Variants in MCM2 observed in about 807,000 individuals in gnomAD.
MCM2 encodes minichromosome maintenance complex component 2.
A neutral mutation model predicts 86.4 loss-of-function variants in MCM2; 49 were observed. The ratio of observed to expected loss-of-function variants is 0.57; its 90% CI spans 0.45 to 0.72. MCM2 has a LOEUF of 0.72. MCM2 is among the 30% of genes least tolerant of loss of function. The probability of loss-of-function intolerance (pLI) is 0.00; values close to 1 mark genes in which losing one functional copy is unlikely to be tolerated. For missense variants in MCM2, 1,038 were observed against 1,259.9 expected, an observed-to-expected ratio of 0.82 and a Z score of 2.67; for synonymous variants, 475 against 484.6, an observed-to-expected ratio of 0.98 and a Z score of 0.26.
rs760620923 is a variant in MCM2 at position 127,621,219 on chromosome 3, G to A, written c.2595G>A (p.Leu865=). 6.2e-7 allele frequency: 1 copy of A among 1,614,104 alleles called. No individual in the cohort carries two copies. The highest frequency in any genetic ancestry group is 1.1e-5 in the South Asian group (1 of 91,066). Residue 865 remains leucine (L), a synonymous_variant, in exon 15 of 16, where the codon TTG becomes TTA. Coordinates refer to ENST00000265056, the MANE Select transcript of MCM2 (RefSeq NM_004526.4). ...QDTIEVPEKD[L]VDKARQINIH... is the part of the protein sequence containing the mutation. Reference sequence around the variant, plus strand: ...CTATTGAGGTCCCTGAGAAGGACTTGGTGGATAAGGTATGGGCCCGGAAGG... The same window carrying A: ...CTATTGAGGTCCCTGAGAAGGACTTAGTGGATAAGGTATGGGCCCGGAAGG...
chr3:127,617,209 TG>T lies in MCM2; in HGVS notation c.1774-67del. The T allele has an allele frequency of 6.2e-7, 1 of 1,607,122 alleles. No homozygotes were observed. Among genetic ancestry groups the T allele is most frequent in the Non-Finnish European group, 8.5e-7 (1 of 1,175,052 alleles). On this transcript the variant is annotated intron_variant, in intron 10 of 15. Transcript: ENST00000265056. The surrounding 1 kb of genome is among the most constrained non-coding windows in gnomAD (Gnocchi z 4.1). ...CGGGAATGGTGTTAATGGGGTCCAT[TG>T]GGACCTCATCGGAGACTTAGTAGTA...
At position 127,599,352 on chromosome 3, in the gene MCM2, C is replaced by G. The variant is rs771192544; in HGVS notation, c.41C>G (p.Pro14Arg). The G allele has an allele frequency of 6.8e-6, 11 of 1,614,048 alleles. No homozygotes were observed. Among genetic ancestry groups the G allele is most frequent in the Non-Finnish European group, 8.5e-6 (10 of 1,180,032 alleles). ...SSESFTMASS[P>R]AQRRRGNDPL... The stretch of plus-strand genomic sequence containing the variant: ...GAATCCTTCACCATGGCATCCAGCC[C>G]GGCCCAGCGTCGGCGAGGCAATGAT... Residue 14 changes from proline (P) to arginine (R), a missense_variant, in exon 2 of 16, where the codon CCG (proline) becomes CGG (arginine). Coordinates refer to ENST00000265056, the MANE Select transcript of MCM2 (RefSeq NM_004526.4).
At chr3:127,598,777 A>C (rs1576409494) in intron 1 of MCM2, 2 of 468,134 alleles carry the variant, frequency 4.3e-6, no homozygotes, top group Non-Finnish European at 7.5e-6. Flanking sequence ...CCCCCATTTC[A>C]CTACACTCCT....
rs1338473292 is a variant in MCM2 at position 127,606,143 on chromosome 3, C to G, written c.699C>G (p.Asn233Lys). The change falls in exon 5 of 16, where the codon AAC becomes AAG. Residue 233 changes from asparagine to lysine, a missense_variant. Around this residue, in one of 4 missense-constraint regions of MCM2, gnomAD observed 399 missense variants for 507.2 expected, o/e 0.79. Transcript: ENST00000265056. The surrounding 1 kb of genome is among the most constrained non-coding windows in gnomAD (Gnocchi z 4.2). ...AGAACCGTGAGAGCCTGGTGGTGAACTATGAGGACTTGGCAGCCAGGGAGC... is the reference window on the plus strand; with the variant it reads ...AGAACCGTGAGAGCCTGGTGGTGAAGTATGAGGACTTGGCAGCCAGGGAGC... ...CKENRESLVV[N>K]YEDLAAREHV... is the part of the protein sequence containing the mutation. 9.3e-6 allele frequency: 15 copies of G among 1,614,180 alleles called. No homozygotes were observed. The highest frequency in any genetic ancestry group is 1.3e-5 in the Non-Finnish European group (15 of 1,180,026).
At position 127,617,698 on chromosome 3, in the gene MCM2, A is replaced by T. The variant is rs1170768800; in HGVS notation, c.1901-271A>T. ...GATGGAGTTGGCTGTTGGTCTCAGC[A>T]GCGAATGCGTAAAAGAACCCAGGCT... On this transcript the variant is annotated intron_variant, in intron 11 of 15. Coordinates refer to ENST00000265056, the MANE Select transcript of MCM2 (RefSeq NM_004526.4). This position sits in a 1 kb window ranked among gnomAD's most constrained non-coding sequence, Gnocchi z 4.1. The T allele has an allele frequency of 3.4e-6, 2 of 588,480 alleles. No homozygotes were observed. Among genetic ancestry groups the T allele is most frequent in the South Asian group, 4.1e-5 (2 of 49,078 alleles). The allele number at this position is 588,480 out of a possible 1,614,324, so 36.5% of individuals were successfully genotyped here.
chr3:127,617,892 C>A lies in MCM2; in HGVS notation c.1901-77C>A. On this transcript the variant is annotated intron_variant, in intron 11 of 15. Transcript: ENST00000265056. The surrounding 1 kb of genome is among the most constrained non-coding windows in gnomAD (Gnocchi z 4.1). ...TTCCACTGCCCTCATCCCCTTCTGC[C>A]ATCAGAGCAGCCTGGGGTCCCTGAG... is the stretch of plus-strand genomic sequence containing the variant. 1 of 1,094,224 alleles carries A rather than the reference C, an allele frequency of 9.1e-7. No individual in the cohort carries two copies. The highest frequency in any genetic ancestry group is 1.4e-6 in the Non-Finnish European group (1 of 732,216). 67.8% of individuals were successfully genotyped at this position (1,094,224 alleles called of 1,614,324 possible).
chr3:127,603,548 C>T (rs767094036), intron 2 of MCM2, among the ~76,000 whole-genome samples: 1 of 152,162 alleles, frequency 6.6e-6, no homozygotes, highest in African/African-American at 2.4e-5. Flanking sequence ...TGCAGTGGCA[C>T]GAACGTGGCT....
At chr3:127,619,341 G>C in intron 13 of MCM2, 63 bp downstream of exon 13, 1 of 1,565,062 alleles carries the variant, frequency 6.4e-7, no homozygotes, top group African/African-American at 1.4e-5. Flanking sequence ...TGAGCCTTCT[G>C]ACCAATGCAG....
intron 2 of MCM2, among the ~76,000 whole-genome samples, chr3:127,600,395 G>T (rs1010313591): frequency 6.6e-6 from 1 of 152,242 alleles, no homozygotes; most frequent in Non-Finnish European, 1.5e-5. Context: ...TTCCAGCTGC[G>T]ATCTGGTAGA....
chr3:127,611,140 C>T (rs528175659), intron 8 of MCM2, among the ~76,000 whole-genome samples: 2 of 152,240 alleles, frequency 1.3e-5, no homozygotes, highest in African/African-American at 2.4e-5. Flanking sequence ...CTTCTACCCT[C>T]ACCACCTGCA....
chr3:127,606,652 G>A lies in MCM2; in HGVS notation c.936G>A (p.Val312=). ...AGCTGATCCGCACCAGTGGGGTGGT[G>A]ACCAGCTGCACTGGCGTCCTGCCCC... is the stretch of plus-strand genomic sequence containing the variant. ...LNQLIRTSGV[V]TSCTGVLPQL... is the part of the protein sequence containing the mutation. Residue 312 remains valine, a synonymous_variant, in exon 6 of 16, where the codon GTG becomes GTA. Coordinates refer to ENST00000265056, the MANE Select transcript of MCM2 (RefSeq NM_004526.4). The surrounding 1 kb of genome is among the most constrained non-coding windows in gnomAD (Gnocchi z 4.2). 2 of 1,614,166 alleles carry A rather than the reference G, an allele frequency of 1.2e-6. No homozygotes were observed. The highest frequency in any genetic ancestry group is 1.7e-6 in the Non-Finnish European group (2 of 1,180,040).
intron 8 of MCM2, among the ~76,000 whole-genome samples, chr3:127,613,069 T>C (rs1345660709): frequency 5.3e-5 from 8 of 152,282 alleles, no homozygotes; most frequent in Middle Eastern, 3.4e-3. Context: ...CAGCAGGCAG[T>C]GTAGGCATTC....
chr3:127,618,180 G>A lies in MCM2; in HGVS notation c.2013+99G>A, dbSNP rs1364044003. On this transcript the variant is annotated intron_variant, in intron 12 of 15. Coordinates refer to ENST00000265056, the MANE Select transcript of MCM2 (RefSeq NM_004526.4). The surrounding 1 kb of genome is among the most constrained non-coding windows in gnomAD (Gnocchi z 4.0). ...GTGCCCAACACAGGGGACAGGTGCT[G>A]CAGGGGCCATAGGCTGTTTTCTAGT... 7 of 902,118 alleles carry A rather than the reference G, an allele frequency of 7.8e-6. No individual in the cohort carries two copies. Among genetic ancestry groups the A allele is most frequent in the Admixed American group, 2.0e-5 (1 of 50,380 alleles). 55.9% of individuals were successfully genotyped at this position (902,118 alleles called of 1,614,324 possible).
At position 127,617,264 on chromosome 3, in the gene MCM2, A is replaced by G. The variant is rs1192920672; in HGVS notation, c.1774-15A>G. 6.2e-7 allele frequency: 1 copy of G among 1,614,036 alleles called. No individual in the cohort carries two copies. Among genetic ancestry groups the G allele is most frequent in the East Asian group, 2.2e-5 (1 of 44,872 alleles). ...GCGTGAACCATGCTAAGGGTGGGCC[A>G]TTTTAATCTTGCAGATGAATGACCA... On this transcript the variant is annotated splice_polypyrimidine_tract_variant and intron_variant, in intron 10 of 15. Coordinates refer to ENST00000265056, the MANE Select transcript of MCM2 (RefSeq NM_004526.4). This position sits in a 1 kb window ranked among gnomAD's most constrained non-coding sequence, Gnocchi z 4.1.
In MCM2 at chr3:127,617,995, TTC is replaced by T; in HGVS notation, c.1931_1932del (p.Ser644Ter). The T allele has an allele frequency of 6.2e-7, 1 of 1,614,046 alleles. No individual in the cohort carries two copies. Among genetic ancestry groups the T allele is most frequent in the East Asian group, 2.2e-5 (1 of 44,864 alleles). On this transcript the variant is annotated frameshift_variant, in exon 12 of 16. Transcript: ENST00000265056. LOFTEE classifies it high-confidence loss of function. This position sits in a 1 kb window ranked among gnomAD's most constrained non-coding sequence, Gnocchi z 4.1. The part of the protein sequence containing the change: ...IGGRYDPSLT[F>X]SENVDLTEPI... ...AGGGCGCTACGACCCCTCGCTGACTTTCTCTGAGAACGTGGACCTCACAGAGC... is the reference window on the plus strand; with the variant it reads ...AGGGCGCTACGACCCCTCGCTGACTTTCTGAGAACGTGGACCTCACAGAGC...
chr3:127,609,492 A>C (rs1170885949), intron 8 of MCM2, among the ~76,000 whole-genome samples: 3 of 151,458 alleles, frequency 2.0e-5, no homozygotes, highest in African/African-American at 7.3e-5. Flanking sequence ...TTTTTTTGTG[A>C]TGGAGATGGG....
chr3:127,614,773 A>G (rs2074421489), intron 8 of MCM2, among the ~76,000 whole-genome samples: 1 of 152,190 alleles, frequency 6.6e-6, no homozygotes, highest in Non-Finnish European at 1.5e-5. Flanking sequence ...CATCCCTACA[A>G]TGCTCAAGTG....
Position 127,608,484 on chromosome 3 carries a change from C to T in MCM2, c.1204C>T (p.Leu402=). 6.2e-7 allele frequency: 1 copy of T among 1,614,204 alleles called. No individual in the cohort carries two copies. Among genetic ancestry groups the T allele is most frequent in the South Asian group, 1.1e-5 (1 of 91,080 alleles). ...RSKDAILLAD[L]VDSCKPGDEI... is the part of the protein sequence containing the mutation. The stretch of plus-strand genomic sequence containing the variant: ...CAAGGACGCCATTCTCCTCGCAGAT[C>T]TGGTGGACAGCTGCAAGCCAGGAGA... Residue 402 remains leucine, a synonymous_variant, in exon 7 of 16, where the codon CTG becomes TTG. Transcript: ENST00000265056.
chr3:127,604,710 A>G lies in MCM2; in HGVS notation c.339A>G (p.Ala113=). ...EELTASQREA[A]ERAMRQRDRE... is the part of the protein sequence containing the mutation. ...TGACGGCCAGTCAGAGGGAGGCAGC[A>G]GAGCGGGCCATGCGGCAGCGTGACC... Residue 113 remains alanine, a synonymous_variant, in exon 3 of 16, where the codon GCA becomes GCG. Transcript: ENST00000265056. The G allele has an allele frequency of 6.2e-7, 1 of 1,612,166 alleles. No individual in the cohort carries two copies. The highest frequency in any genetic ancestry group is 1.1e-5 in the South Asian group (1 of 91,006).
Sources: allele counts gnomAD v4.1 joint callset (sites outside exome capture counted in the v4.1 genomes callset), GRCh38; gene constraint gnomAD v4.1.1; regional missense constraint gnomAD v4.1.1; non-coding constraint Gnocchi (gnomAD v3.1); transcripts MANE v1.5; gene names NCBI Gene and HGNC (gene_info 2026-07-23, HGNC 2026-07-21).